HTR4: variants seen among roughly 807,000 people sequenced by gnomAD.
HTR4 encodes the protein 5-hydroxytryptamine receptor 4.
In HTR4, 16 loss-of-function variants were observed where a neutral mutation model predicts 36.8. That is an observed-to-expected ratio of 0.43 (90% confidence interval 0.29 to 0.66). HTR4 has a LOEUF of 0.66. Ranked by LOEUF, HTR4 falls within the 30% of genes least tolerant of loss-of-function variation. The pLI is 0.13. For missense variants in HTR4, 438 were observed against 490.9 expected, an observed-to-expected ratio of 0.89 and a Z score of 1.02; for synonymous variants, 189 against 185.1, an observed-to-expected ratio of 1.02 and a Z score of -0.17.
chr5:148,614,322 A>G (rs1428088380), intron 2 of HTR4, among the ~76,000 whole-genome samples: 2,594 of 151,108 alleles, frequency 0.017, 86 homozygotes, highest in African/African-American at 0.06. Flanking sequence ...TGGTACTGGT[A>G]CCAAAACAGA....
intron 1 of HTR4, among the ~76,000 whole-genome samples, chr5:148,638,294 C>G (rs1753617077): frequency 6.6e-6 from 1 of 152,206 alleles, no homozygotes; most frequent in Non-Finnish European, 1.5e-5. Context: ...GAGCCCCCTC[C>G]CCTAATCTGA....
intron 6 of HTR4, among the ~76,000 whole-genome samples, chr5:148,499,663 G>T (rs1054521027): frequency 6.6e-6 from 1 of 152,164 alleles, no homozygotes; most frequent in South Asian, 2.1e-4. Context: ...CTTGTGGTTG[G>T]AGGGTGAGAT....
Position 148,481,749 on chromosome 5 carries a change from C to T in HTR4, c.*1454G>A, listed in dbSNP as rs1245164295. ...ACAGCCAAGATCAAAGTCAGAATCT[C>T]ACATGGCTCTGGGTTTGGCATTTAC... On this transcript the variant is annotated 3_prime_UTR_variant, in exon 7 of 7. Coordinates refer to ENST00000377888, the MANE Select transcript of HTR4 (RefSeq NM_000870.7). The T allele has an allele frequency of 7.0e-7, 1 of 1,429,842 alleles. No homozygotes were observed. Among genetic ancestry groups the T allele is most frequent in the African/African-American group, 1.4e-5 (1 of 69,510 alleles). The allele number at this position is 1,429,842 out of a possible 1,614,324, so 88.6% of individuals were successfully genotyped here.
At chr5:148,639,942 T>G (rs977061334) in intron 1 of HTR4, among the ~76,000 whole-genome samples, 3 of 152,170 alleles carry the variant, frequency 2.0e-5, no homozygotes, top group Non-Finnish European at 4.4e-5. Context: ...AGTTGCCCTT[T>G]ACTACGTGTT....
intron 1 of HTR4, among the ~76,000 whole-genome samples, chr5:148,650,837 C>T (rs1460182290): frequency 6.6e-6 from 1 of 152,146 alleles, no homozygotes; most frequent in Non-Finnish European, 1.5e-5. Flanking sequence ...CAACTCACAA[C>T]CTTATAGTAT....
chr5:148,614,109 A>G (rs1242375546), intron 2 of HTR4, among the ~76,000 whole-genome samples: 1 of 152,152 alleles, frequency 6.6e-6, no homozygotes, highest in Non-Finnish European at 1.5e-5. Flanking sequence ...ATACTGCCCA[A>G]GGTAATTTAC....
intron 2 of HTR4, among the ~76,000 whole-genome samples, chr5:148,596,593 A>G (rs1761785645): frequency 6.6e-6 from 1 of 151,750 alleles, no homozygotes; most frequent in South Asian, 2.1e-4. Flanking sequence ...CTGACCTCTA[A>G]CCATTAAATG....
intron 2 of HTR4, among the ~76,000 whole-genome samples, chr5:148,610,400 C>A (rs1446309470): frequency 6.6e-6 from 1 of 152,198 alleles, no homozygotes; most frequent in African/African-American, 2.4e-5. Flanking sequence ...CTGGGAGGCA[C>A]CCTCCAGCAG....
chr5:148,523,446 T>G, intron 4 of HTR4, 100 bp from the exon 5 acceptor site: 27 of 850,760 alleles, frequency 3.2e-5, no homozygotes, highest in Non-Finnish European at 4.4e-5. Context: ...GAAGAGGGGA[T>G]GGAGCAAGGG....
At chr5:148,505,928 C>T (rs1463251522) in intron 6 of HTR4, among the ~76,000 whole-genome samples, 12 of 152,154 alleles carry the variant, frequency 7.9e-5, no homozygotes, top group South Asian at 2.1e-4. Context: ...GAATCAATAT[C>T]GCGAAAATGG....
At chr5:148,643,324 T>C (rs1358323522) in intron 1 of HTR4, among the ~76,000 whole-genome samples, 1 of 152,162 alleles carries the variant, frequency 6.6e-6, no homozygotes, top group East Asian at 1.9e-4. Context: ...AGCAACCTTT[T>C]GTTAAAAGGA....
At chr5:148,566,400 G>A (rs957354730) in intron 2 of HTR4, among the ~76,000 whole-genome samples, 3 of 152,158 alleles carry the variant, frequency 2.0e-5, no homozygotes, top group African/African-American at 7.2e-5. Flanking sequence ...ACTAAGATTT[G>A]TATAACTACA....
chr5:148,480,681 G>T (rs934428528), downstream of HTR4, among the ~76,000 whole-genome samples: 4 of 152,148 alleles, frequency 2.6e-5, no homozygotes, highest in Non-Finnish European at 4.4e-5. Flanking sequence ...GGTGCTCCTA[G>T]AATATTATTT....
intron 2 of HTR4, among the ~76,000 whole-genome samples, chr5:148,622,234 C>T (rs1484126315): frequency 1.3e-5 from 2 of 152,162 alleles, no homozygotes; most frequent in African/African-American, 4.8e-5. Context: ...TTCCAGATTA[C>T]TCATTGCTAT....
intron 2 of HTR4, among the ~76,000 whole-genome samples, chr5:148,613,349 A>G (rs1445458032): frequency 7.2e-6 from 1 of 139,218 alleles, no homozygotes; most frequent in Non-Finnish European, 1.6e-5. Context: ...AGTGGGCTTC[A>G]TCCCTGGGAT....
In HTR4 at chr5:148,464,379, T is replaced by G. The variant is rs1050088113; in HGVS notation, c.1077-13107A>C. ...CTATTATCCAAAATATACAAAGAAC[T>G]CTTAAATTTCAATAATGACAAAATG... is the stretch of plus-strand genomic sequence containing the variant. On this transcript the variant is annotated intron_variant, in intron 5 of 5. Transcript: ENST00000521530. 4.6e-5 allele frequency among the ~76,000 whole-genome samples: 7 copies of G among 152,008 alleles called. 1 individual carries two copies. The highest frequency in any genetic ancestry group is 1.7e-4 in the African/African-American group (7 of 41,376).
chr5:148,559,319 G>A (rs1268507708), intron 2 of HTR4, among the ~76,000 whole-genome samples: 1 of 152,114 alleles, frequency 6.6e-6, no homozygotes, highest in Non-Finnish European at 1.5e-5. Context: ...GTATGTGTGT[G>A]GCTTCTTCAT....
chr5:148,616,079 C>T (rs569319269), intron 2 of HTR4, among the ~76,000 whole-genome samples: 1 of 152,270 alleles, frequency 6.6e-6, no homozygotes, highest in East Asian at 1.9e-4. Context: ...ACAAGGGCCA[C>T]GTATTAGCTC....
intron 5 of HTR4, among the ~76,000 whole-genome samples, chr5:148,455,853 C>T (rs1035740640): frequency 9.2e-5 from 14 of 152,042 alleles, no homozygotes; most frequent in African/African-American, 3.1e-4. Context: ...CATATATTTA[C>T]TATTTGTAAT....
Sources: gnomAD v4.1 joint callset for allele counts (sites outside exome capture counted in the v4.1 genomes callset) on GRCh38, gnomAD v4.1.1 for gene constraint, MANE v1.5 for transcripts, NCBI Gene and HGNC (gene_info 2026-07-23, HGNC 2026-07-21) for gene names.